ERG: variants seen among roughly 807,000 people sequenced by gnomAD.
The protein encoded by ERG is transcriptional regulator ERG.
In ERG, 9 loss-of-function variants were observed where a neutral mutation model predicts 55.3. That is an observed-to-expected ratio of 0.16 (90% confidence interval 0.10 to 0.28). The LOEUF (loss-of-function observed/expected upper bound fraction) is 0.28. Among genes scored for constraint, ERG ranks in the 10% least tolerant of loss-of-function variants. The pLI, the probability that ERG is intolerant of heterozygous loss-of-function variation, is 1.00. For synonymous variants in ERG, 223 were observed against 237.3 expected (o/e 0.94, Z 0.55); for missense variants, 434 against 631.6 (o/e 0.69, Z 3.35).
At position 38,382,866 on chromosome 21, in the gene ERG, A is replaced by G. The variant is rs948714059; in HGVS notation, c.*537T>C. On this transcript the variant is annotated 3_prime_UTR_variant, in exon 10 of 10. Transcript: ENST00000288319. ...AACGGAATGTATTTGATTTCAACCA[A>G]AACAGCACATGCCATGCAGTTGCAT... 9.4e-6 allele frequency: 10 copies of G among 1,066,354 alleles called. No individual in the cohort carries two copies. The highest frequency in any genetic ancestry group is 1.1e-5 in the Non-Finnish European group (10 of 879,736). The allele number at this position is 1,066,354 out of a possible 1,614,324, so 66.1% of individuals were successfully genotyped here.
At chr21:38,429,629 GTATATATACA>G (rs1990088266) in intron 2 of ERG, among the ~76,000 whole-genome samples, 1 of 144,848 alleles carries the variant, frequency 6.9e-6, no homozygotes, top group African/African-American at 2.6e-5. Context: ...ATACATATGT[GTATATATACA>G]TGTATACACA....
intron 2 of ERG, among the ~76,000 whole-genome samples, chr21:38,522,869 C>G (rs2059604657): frequency 6.6e-6 from 1 of 152,190 alleles, no homozygotes; most frequent in Non-Finnish European, 1.5e-5. Flanking sequence ...AACGACGTTG[C>G]TCTGACAATC....
At chr21:38,511,872 A>C (rs1347207199) in intron 2 of ERG, among the ~76,000 whole-genome samples, 1 of 152,214 alleles carries the variant, frequency 6.6e-6, no homozygotes, top group Non-Finnish European at 1.5e-5. Flanking sequence ...AACACCTCGC[A>C]GACTCCAATT....
At chr21:38,521,846 T>C (rs1309832455) in intron 2 of ERG, among the ~76,000 whole-genome samples, 1 of 152,202 alleles carries the variant, frequency 6.6e-6, no homozygotes, top group African/African-American at 2.4e-5. Context: ...AAAGGGTGTC[T>C]TGGGTACATT....
chr21:38,613,431 G>A (rs1054208140), intron 1 of ERG, among the ~76,000 whole-genome samples: 1 of 152,192 alleles, frequency 6.6e-6, no homozygotes, highest in Non-Finnish European at 1.5e-5. Context: ...TAACTACTGT[G>A]AAAAGCAGTC....
At chr21:38,483,715 T>C (rs2059258421) in intron 1 of ERG, among the ~76,000 whole-genome samples, 1 of 149,680 alleles carries the variant, frequency 6.7e-6, no homozygotes, top group African/African-American at 2.5e-5. Context: ...AAACAAAAAA[T>C]AGCCGGGCAT....
chr21:38,405,857 A>C (rs1192637350), intron 3 of ERG, among the ~76,000 whole-genome samples: 1 of 152,094 alleles, frequency 6.6e-6, no homozygotes, highest in Non-Finnish European at 1.5e-5. Context: ...TTCTCACTTA[A>C]AAATCAGTGC....
chr21:38,451,125 A>T, intron 1 of ERG: 1 of 477,774 alleles, frequency 2.1e-6, no homozygotes, highest in Non-Finnish European at 4.2e-6. Context: ...CTAGAGAGAG[A>T]CAGAGAGAGA....
chr21:38,426,800 C>T (rs983318405), intron 2 of ERG, among the ~76,000 whole-genome samples: 2 of 151,760 alleles, frequency 1.3e-5, no homozygotes, highest in Non-Finnish European at 2.9e-5. Context: ...CGTGGTGGTG[C>T]ATGCCCGTAA....
At chr21:38,506,114 A>C (rs2059458774) in intron 2 of ERG, among the ~76,000 whole-genome samples, 3 of 152,160 alleles carry the variant, frequency 2.0e-5, no homozygotes, top group African/African-American at 7.2e-5. Flanking sequence ...ATCTGAATAT[A>C]AGATTAAAGG....
chr21:38,659,829 C>T (rs2060541319), intron 1 of ERG, among the ~76,000 whole-genome samples: 1 of 152,214 alleles, frequency 6.6e-6, no homozygotes, highest in South Asian at 2.1e-4. Flanking sequence ...TAATTAATGC[C>T]TCTATGCATC....
intron 2 of ERG, among the ~76,000 whole-genome samples, chr21:38,564,114 G>A (rs1271189765): frequency 1.3e-5 from 2 of 152,002 alleles, no homozygotes; most frequent in Non-Finnish European, 2.9e-5. Flanking sequence ...GTGATGCTGT[G>A]TTCATTTTGC....
At chr21:38,537,658 A>ACTGC (rs2059721434) in intron 2 of ERG, among the ~76,000 whole-genome samples, 1 of 152,226 alleles carries the variant, frequency 6.6e-6, no homozygotes, top group African/African-American at 2.4e-5. Context: ...TATTACCAAA[A>ACTGC]AATCAGAAAA....
chr21:38,650,018 G>C (rs1488163722), intron 1 of ERG, among the ~76,000 whole-genome samples: 1 of 152,150 alleles, frequency 6.6e-6, no homozygotes, highest in Non-Finnish European at 1.5e-5. Flanking sequence ...ACCAATAATT[G>C]TGCTGCCTTA....
At chr21:38,600,722 T>G (rs1453711479) in intron 1 of ERG, among the ~76,000 whole-genome samples, 1 of 152,230 alleles carries the variant, frequency 6.6e-6, no homozygotes, top group Non-Finnish European at 1.5e-5. Flanking sequence ...GAATGTAGAA[T>G]TAAACAATTA....
chr21:38,435,114 G>A (rs115252044), intron 2 of ERG, among the ~76,000 whole-genome samples: 2,411 of 152,216 alleles, frequency 0.016, 23 homozygotes, highest in Non-Finnish European at 0.017. Flanking sequence ...TCAGTTCTGC[G>A]AGAGAACCCC....
At chr21:38,550,404 A>G (rs1298946354) in intron 2 of ERG, among the ~76,000 whole-genome samples, 3 of 152,104 alleles carry the variant, frequency 2.0e-5, no homozygotes, top group African/African-American at 7.2e-5. Context: ...TTAAATCCTT[A>G]CCCCCAAGGT....
upstream of ERG, among the ~76,000 whole-genome samples, chr21:38,501,051 C>A (rs1254293216): frequency 5.8e-5 from 8 of 137,082 alleles, no homozygotes; most frequent in African/African-American, 1.6e-4. Flanking sequence ...CTTGATAGGA[C>A]AAGGCACATC....
At chr21:38,578,492 G>A (rs1232238231) in intron 1 of ERG, among the ~76,000 whole-genome samples, 1 of 152,134 alleles carries the variant, frequency 6.6e-6, no homozygotes, top group African/African-American at 2.4e-5. Context: ...ATCTGCTTCA[G>A]CCAACAGGCA....
Sources: gnomAD v4.1 joint callset for allele counts (sites outside exome capture counted in the v4.1 genomes callset) on GRCh38, gnomAD v4.1.1 for gene constraint, MANE v1.5 for transcripts, NCBI Gene and HGNC (gene_info 2026-07-23, HGNC 2026-07-21) for gene names.